Variants in KIF13A observed in about 807,000 individuals in gnomAD.
The protein encoded by KIF13A is kinesin family member 13A.
KIF13A carries 79 observed loss-of-function variants against 212.2 expected under a neutral mutation model. That is an observed-to-expected ratio of 0.37 (90% CI 0.31 to 0.45). The LOEUF (loss-of-function observed/expected upper bound fraction) is 0.45. Among genes scored for constraint, KIF13A ranks in the 20% least tolerant of loss-of-function variants. KIF13A has a pLI of 1.00. For missense variants in KIF13A, 1,901 were observed against 2,209.0 expected (o/e 0.86, Z 2.79); for synonymous variants, 789 against 808.6 (o/e 0.98, Z 0.41).
At chr6:17,867,013 C>G (rs1025982165) in intron 4 of KIF13A, among the ~76,000 whole-genome samples, 1 of 151,928 alleles carries the variant, frequency 6.6e-6, no homozygotes, top group Non-Finnish European at 1.5e-5. Flanking sequence ...CCAACATTCT[C>G]TCTTCCATCT....
At chr6:17,861,822 C>T (rs1436553407) in intron 4 of KIF13A, among the ~76,000 whole-genome samples, 1 of 152,000 alleles carries the variant, frequency 6.6e-6, no homozygotes, top group African/African-American at 2.4e-5. Context: ...AATATTTTTT[C>T]CCAGTCTGTC....
At chr6:17,882,798 G>A (rs369755242) in intron 3 of KIF13A, among the ~76,000 whole-genome samples, 40 of 152,254 alleles carry the variant, frequency 2.6e-4, no homozygotes, top group East Asian at 2.5e-3. Context: ...CTGACCTCAA[G>A]TGATTTGCCT....
intron 2 of KIF13A, among the ~76,000 whole-genome samples, chr6:17,927,652 G>A (rs958835974): frequency 2.0e-5 from 3 of 152,090 alleles, no homozygotes; most frequent in Non-Finnish European, 4.4e-5. Context: ...ACTTTTAAAC[G>A]GCTAAAATGA....
intron 2 of KIF13A, among the ~76,000 whole-genome samples, chr6:17,977,785 G>T (rs1780715287): frequency 6.6e-6 from 1 of 152,208 alleles, no homozygotes; most frequent in Admixed American, 6.5e-5. Context: ...CATGTGCCAT[G>T]TTGGTGTGCT....
downstream of KIF13A, among the ~76,000 whole-genome samples, chr6:17,762,817 T>A (rs914033174): frequency 8.5e-5 from 13 of 152,204 alleles, no homozygotes; most frequent in Non-Finnish European, 1.3e-4. Flanking sequence ...GATGACTGTT[T>A]AGGTTTTGGC....
In KIF13A at chr6:17,799,148, T is replaced by A. The variant is rs1762279170; in HGVS notation, c.2790+118A>T. The A allele has an allele frequency of 1.7e-6, 1 of 591,730 alleles. No homozygotes were observed. Among genetic ancestry groups the A allele is most frequent in the Non-Finnish European group, 2.6e-6 (1 of 383,286 alleles). The allele number at this position is 591,730 out of a possible 1,614,324, so 36.7% of individuals were successfully genotyped here. ...TTTGTAATGAGGTACATTTTTGAGG[T>A]TAAAACATCTAATAAACATATTATA... On this transcript the variant is annotated intron_variant, in intron 22 of 38. Coordinates refer to ENST00000259711, the MANE Select transcript of KIF13A (RefSeq NM_022113.6). The surrounding 1 kb of genome is among the most constrained non-coding windows in gnomAD (Gnocchi z 4.4).
At chr6:17,801,275 T>C (rs900781633) in intron 20 of KIF13A, among the ~76,000 whole-genome samples, 1 of 151,496 alleles carries the variant, frequency 6.6e-6, no homozygotes, top group African/African-American at 2.4e-5. Context: ...GTGGATCACC[T>C]GAGGTTAGGA....
chr6:17,773,640 A>G lies in KIF13A; in HGVS notation c.4219-57T>C. 1.0e-6 allele frequency: 1 copy of G among 981,620 alleles called. No homozygotes were observed. The allele number at this position is 981,620 out of a possible 1,614,324, so 60.8% of individuals were successfully genotyped here. A position where few individuals can be genotyped will look rare whatever the true frequency, so the allele number is the denominator to read the frequency against. On this transcript the variant is annotated intron_variant, in intron 35 of 38. Coordinates refer to ENST00000259711, the MANE Select transcript of KIF13A (RefSeq NM_022113.6). The surrounding 1 kb of genome is among the most constrained non-coding windows in gnomAD (Gnocchi z 4.2). ...TGAATCACTCCAAAATAAGAAATAAAGCCCAGGTTGGAGTTTCTTCTGTTT... is the reference window on the plus strand; with the variant it reads ...TGAATCACTCCAAAATAAGAAATAAGGCCCAGGTTGGAGTTTCTTCTGTTT...
At position 17,982,979 on chromosome 6, in the gene KIF13A, G is replaced by T. The variant is rs1781219666; in HGVS notation, c.146+4075C>A. Reference sequence around the variant, plus strand: ...AGGTCAGGAGTTTGAGACCAGCCTGGCCAACATAGTGAAACCCCGTCTCTA... The same window carrying T: ...AGGTCAGGAGTTTGAGACCAGCCTGTCCAACATAGTGAAACCCCGTCTCTA... On this transcript the variant is annotated intron_variant, in intron 2 of 38. Coordinates refer to ENST00000259711, the MANE Select transcript of KIF13A (RefSeq NM_022113.6). The surrounding 1 kb of genome is among the most constrained non-coding windows in gnomAD (Gnocchi z 5.1). Among the ~76,000 whole-genome samples the T allele has an allele frequency of 1.3e-5, 2 of 151,932 alleles. No homozygotes were observed. Among genetic ancestry groups the T allele is most frequent in the Non-Finnish European group, 2.9e-5 (2 of 67,982 alleles).
chr6:17,841,927 CTGTG>C (rs964856846), intron 9 of KIF13A, among the ~76,000 whole-genome samples: 6 of 150,640 alleles, frequency 4.0e-5, no homozygotes, highest in African/African-American at 1.2e-4. Flanking sequence ...GCTTATATGT[CTGTG>C]TGTTTGTGTG....
rs915513256 is a variant in KIF13A at position 17,843,768 on chromosome 6, G to A, written c.830+5609C>T. Among the ~76,000 whole-genome samples, 1 of 152,132 alleles carries A rather than the reference G, an allele frequency of 6.6e-6. No individual in the cohort carries two copies. The highest frequency in any genetic ancestry group is 2.4e-5 in the African/African-American group (1 of 41,448). On this transcript the variant is annotated intron_variant, in intron 9 of 38. Coordinates refer to ENST00000259711, the MANE Select transcript of KIF13A (RefSeq NM_022113.6). The surrounding 1 kb of genome is among the most constrained non-coding windows in gnomAD (Gnocchi z 5.3). ...GGCTTTGAAATAATTAGTTGAGGCTGGGCACAGTGGCTCACGCCTGTAATC... is the reference window on the plus strand; with the variant it reads ...GGCTTTGAAATAATTAGTTGAGGCTAGGCACAGTGGCTCACGCCTGTAATC...
chr6:17,825,575 G>C lies in KIF13A; in HGVS notation c.1786+193C>G, dbSNP rs1764894520. On this transcript the variant is annotated intron_variant, in intron 16 of 38. Coordinates refer to ENST00000259711, the MANE Select transcript of KIF13A (RefSeq NM_022113.6). This position sits in a 1 kb window ranked among gnomAD's most constrained non-coding sequence, Gnocchi z 4.5. ...AAACGGGACCATCCATATCCTCATT[G>C]TAACTGAGGGAGAAGACCATCTCCC... 6.6e-6 allele frequency among the ~76,000 whole-genome samples: 1 copy of C among 152,166 alleles called. No homozygotes were observed. Among genetic ancestry groups the C allele is most frequent in the Non-Finnish European group, 1.5e-5 (1 of 68,040 alleles).
intron 17 of KIF13A, among the ~76,000 whole-genome samples, chr6:17,814,400 G>C (rs6912600): frequency 0.92 from 139,537 of 151,888 alleles, 64,168 homozygotes; most frequent in East Asian, 0.99. Flanking sequence ...AGGTGCCCAC[G>C]ACCGCACCTG....
In KIF13A at chr6:17,855,880, G is replaced by A. The variant is rs960315578; in HGVS notation, c.313+150C>T. 3.1e-6 allele frequency: 2 copies of A among 648,252 alleles called. No individual in the cohort carries two copies. Among genetic ancestry groups the A allele is most frequent in the African/African-American group, 3.7e-5 (2 of 54,228 alleles). The allele number at this position is 648,252 out of a possible 1,614,324, so 40.2% of individuals were successfully genotyped here. On this transcript the variant is annotated intron_variant, in intron 5 of 38. Transcript: ENST00000259711. This position sits in a 1 kb window ranked among gnomAD's most constrained non-coding sequence, Gnocchi z 4.1. ...AGGTGTGCCACCACGCTGGGCTAAT[G>A]TTTTTAGTTTTTATAAAGACGGGTC...
Position 17,834,115 on chromosome 6 carries a change from A to G in KIF13A, c.1156-44T>C, listed in dbSNP as rs4716193. On this transcript the variant is annotated intron_variant, in intron 11 of 38. Transcript: ENST00000259711. This position sits in a 1 kb window ranked among gnomAD's most constrained non-coding sequence, Gnocchi z 4.0. ...GATATCTGATGTTCAAAATTTTTCC[A>G]CCATCATATACAAGACAATCAGTTA... 596,843 of 1,250,884 alleles carry G rather than the reference A, an allele frequency of 0.48. 143,008 individuals carry two copies. Among genetic ancestry groups the G allele is most frequent in the South Asian group, 0.55 (40,213 of 73,034 alleles). 77.5% of individuals were successfully genotyped at this position (1,250,884 alleles called of 1,614,324 possible). A position where few individuals can be genotyped will look rare whatever the true frequency, so the allele number is the denominator to read the frequency against.
chr6:17,827,922 T>C (rs73371145), intron 14 of KIF13A, among the ~76,000 whole-genome samples: 3,509 of 152,316 alleles, frequency 0.023, 133 homozygotes, highest in African/African-American at 0.079. Flanking sequence ...CAGGTAAAGT[T>C]TGAAGAAAGA....
intron 3 of KIF13A, among the ~76,000 whole-genome samples, chr6:17,873,766 T>A (rs1770237883): frequency 6.6e-6 from 1 of 151,708 alleles, no homozygotes; most frequent in Non-Finnish European, 1.5e-5. Flanking sequence ...AAAAAAAAAA[T>A]TGTTGCAGAC....
rs1018777209 is a variant in KIF13A, at chr6:17,780,638, T to C, written c.3846+92A>G. ...GGCCAGGATGGTCATGTTTTGCACA[T>C]CACAGCACCAAAAAACACTGCTTTG... On this transcript the variant is annotated intron_variant, in intron 31 of 38. Coordinates refer to ENST00000259711, the MANE Select transcript of KIF13A (RefSeq NM_022113.6). The C allele has an allele frequency of 6.4e-6, 8 of 1,244,360 alleles. No homozygotes were observed. The African/African-American group carries it at 1.0e-4, about 16-fold the overall frequency. 77.1% of individuals were successfully genotyped at this position (1,244,360 alleles called of 1,614,324 possible). A position where few individuals can be genotyped will look rare whatever the true frequency, so the allele number is the denominator to read the frequency against.
intron 17 of KIF13A, chr6:17,812,660 G>T (rs1047829402): frequency 6.6e-6 from 1 of 152,098 alleles, no homozygotes; most frequent in African/African-American, 2.4e-5. Flanking sequence ...TGTCTTTATG[G>T]TAGAACAACT....
Sources: gnomAD v4.1 joint callset for allele counts (sites outside exome capture counted in the v4.1 genomes callset) on GRCh38, gnomAD v4.1.1 for gene constraint, Gnocchi (gnomAD v3.1) non-coding constraint, MANE v1.5 for transcripts, NCBI Gene and HGNC (gene_info 2026-07-23, HGNC 2026-07-21) for gene names.